SGSM1: variants seen among roughly 807,000 people sequenced by gnomAD.
SGSM1 encodes the protein small G protein signaling modulator 1.
In SGSM1, 73 loss-of-function variants were observed where a neutral mutation model predicts 133.8. The ratio of observed to expected loss-of-function variants is 0.55; its 90% CI spans 0.45 to 0.66. The LOEUF (loss-of-function observed/expected upper bound fraction) is 0.66, where lower values mean the gene tolerates loss of function less well. Ranked by LOEUF, SGSM1 falls within the 30% of genes least tolerant of loss-of-function variation. The pLI, the probability that SGSM1 is intolerant of heterozygous loss-of-function variation, is 0.00. For synonymous variants in SGSM1, 563 were observed against 573.0 expected (o/e 0.98, Z 0.25); for missense variants, 1,213 against 1,448.1 (o/e 0.84, Z 2.64).
rs764171405 is a variant in SGSM1, at chr22:24,855,340, C to T, written c.579C>T (p.Thr193=). Residue 193 remains threonine (T), a synonymous_variant, in exon 7 of 25, where the codon ACC becomes ACT. Coordinates refer to ENST00000400358, the MANE Select transcript of SGSM1 (RefSeq NM_001098497.3). ...TKMKTADHFW[T]DPSADELVQR... is the part of the protein sequence containing the mutation. The stretch of plus-strand genomic sequence containing the variant: ...TGAAGACTGCAGATCACTTCTGGAC[C>T]GATCCCTCGGCTGACGAACTTGTCC... The T allele has an allele frequency of 2.3e-5, 37 of 1,613,156 alleles. No individual in the cohort carries two copies. The East Asian group carries it at 5.1e-4, about 22-fold the overall frequency.
At chr22:24,844,720 G>A (rs906768067) in intron 2 of SGSM1, 177 bp from the exon 3 acceptor site, 10 of 580,142 alleles carry the variant, frequency 1.7e-5, no homozygotes, top group Middle Eastern at 9.1e-4. Context: ...ATGGAGCTGT[G>A]ACAGGCCTCA....
Position 24,898,236 on chromosome 22 carries a change from G to A in SGSM1, c.2287G>A (p.Glu763Lys), listed in dbSNP as rs2123703503. 4.3e-6 allele frequency: 7 copies of A among 1,613,576 alleles called. No homozygotes were observed. Among genetic ancestry groups the A allele is most frequent in the East Asian group, 2.2e-5 (1 of 44,866 alleles). ...DGSVDDRQSS[E>K]ATTSQDEAPR... ...CAGCGTGGATGACAGGCAGAGCAGC[G>A]AGGCCACCACATCTCAGGATGAGGC... is the stretch of plus-strand genomic sequence containing the variant. Residue 763 changes from glutamate (E) to lysine (K), a missense_variant, in exon 19 of 25, where the codon GAG becomes AAG. Physicochemically the swap from Glu to Lys is moderately conservative, Grantham distance 56. Coordinates refer to ENST00000400358, the MANE Select transcript of SGSM1 (RefSeq NM_001098497.3).
rs188243331 is a variant in SGSM1, at chr22:24,897,668, C to T, written c.2023-304C>T. Among the ~76,000 whole-genome samples, 44 of 152,250 alleles carry T rather than the reference C, an allele frequency of 2.9e-4. No homozygotes were observed. The East Asian group carries it at 8.3e-3, about 29-fold the overall frequency. On this transcript the variant is annotated intron_variant, in intron 18 of 24. Transcript: ENST00000400358. ...ATTTTTTGCAGAGACCAGGTTTCAC[C>T]GTGTTGCCCAGGCTGGTGTCAAACT...
At chr22:24,851,438 G>C (rs1417012181) in intron 5 of SGSM1, among the ~76,000 whole-genome samples, 9 of 138,886 alleles carry the variant, frequency 6.5e-5, no homozygotes, top group Non-Finnish European at 1.2e-4. Flanking sequence ...GGAAGGGAGG[G>C]GGGGGTGGGG....
chr22:24,883,253 T>A (rs1932431860), intron 14 of SGSM1, among the ~76,000 whole-genome samples: 1 of 152,162 alleles, frequency 6.6e-6, no homozygotes, highest in Non-Finnish European at 1.5e-5. Flanking sequence ...TAGGTTGATT[T>A]TGTATGTTGG....
chr22:24,913,500 G>A (rs1933709848), intron 22 of SGSM1, among the ~76,000 whole-genome samples: 1 of 152,078 alleles, frequency 6.6e-6, no homozygotes, highest in East Asian at 1.9e-4. Flanking sequence ...ACTCCCCAGA[G>A]GAATTAAGAC....
intron 2 of SGSM1, among the ~76,000 whole-genome samples, chr22:24,819,157 A>C (rs931595124): frequency 2.0e-5 from 3 of 151,806 alleles, no homozygotes; most frequent in Non-Finnish European, 1.5e-5. Flanking sequence ...AAAAAAAAAA[A>C]ACAATAATCA....
intron 2 of SGSM1, among the ~76,000 whole-genome samples, chr22:24,820,002 G>T (rs1928368241): frequency 6.6e-6 from 1 of 152,116 alleles, no homozygotes; most frequent in South Asian, 2.1e-4. Flanking sequence ...CCCTGGGTCT[G>T]TGGAGATGGG....
At chr22:24,904,151 C>G (rs966370759) in intron 20 of SGSM1, among the ~76,000 whole-genome samples, 1 of 151,924 alleles carries the variant, frequency 6.6e-6, no homozygotes, top group Non-Finnish European at 1.5e-5. Context: ...TGCTTCAGTC[C>G]CCTCATCTGT....
chr22:24,838,230 C>T (rs2147821738), intron 2 of SGSM1, among the ~76,000 whole-genome samples: 1 of 152,238 alleles, frequency 6.6e-6, no homozygotes, highest in African/African-American at 2.4e-5. Context: ...GGTCTAGGTC[C>T]TGCTGATCAC....
intron 24 of SGSM1, among the ~76,000 whole-genome samples, chr22:24,921,397 G>A (rs542476997): frequency 6.6e-6 from 1 of 152,304 alleles, no homozygotes; most frequent in East Asian, 1.9e-4. Flanking sequence ...ACTGTGCCCA[G>A]CCAGTCATTT....
At chr22:24,852,519 C>T (rs547119042) in intron 5 of SGSM1, among the ~76,000 whole-genome samples, 3 of 152,190 alleles carry the variant, frequency 2.0e-5, no homozygotes, top group Non-Finnish European at 4.4e-5. Flanking sequence ...TCTTGACTCA[C>T]TGCAACCTCT....
Position 24,806,231 on chromosome 22 carries a change from C to CCGCCGCGGCTGCAGCAGCAG in SGSM1, c.-85_-66dup. 4 of 1,295,102 alleles carry CCGCCGCGGCTGCAGCAGCAG rather than the reference C, an allele frequency of 3.1e-6. No individual in the cohort carries two copies. The highest frequency in any genetic ancestry group is 3.9e-6 in the Non-Finnish European group (4 of 1,027,208). 80.2% of individuals were successfully genotyped at this position (1,295,102 alleles called of 1,614,324 possible). A position where few individuals can be genotyped will look rare whatever the true frequency, so the allele number is the denominator to read the frequency against. On this transcript the variant is annotated 5_prime_UTR_variant, in exon 1 of 25. Transcript: ENST00000400358. The stretch of plus-strand genomic sequence containing the variant: ...CCGTCACTCAGCGCTCGGCCCCGCC[C>CCGCCGCGGCTGCAGCAGCAG]CGCCGCGGCTGCAGCAGCAGCGCCG...
intron 19 of SGSM1, chr22:24,901,282 A>T (rs1933152361): frequency 6.6e-6 from 1 of 151,708 alleles, no homozygotes; most frequent in African/African-American, 2.4e-5. Flanking sequence ...TGAGGGTGTG[A>T]CTCCTTAGGG....
intron 12 of SGSM1, among the ~76,000 whole-genome samples, chr22:24,876,164 AT>A (rs1932014712): frequency 6.6e-6 from 1 of 152,146 alleles, no homozygotes; most frequent in African/African-American, 2.4e-5. Flanking sequence ...TGCCTCATCT[AT>A]TGAGTCAGGC....
chr22:24,890,528 G>A (rs1932796752), intron 16 of SGSM1, among the ~76,000 whole-genome samples: 1 of 151,946 alleles, frequency 6.6e-6, no homozygotes, highest in East Asian at 2.0e-4. Context: ...GCATCTGCTT[G>A]TATATGTTTT....
At chr22:24,818,461 A>G (rs9612775) in intron 2 of SGSM1, among the ~76,000 whole-genome samples, 104,414 of 150,270 alleles carry the variant, frequency 0.69, 36,609 homozygotes, top group East Asian at 0.92. Context: ...TCTGCCTCCC[A>G]GGTTCAAGCG....
chr22:24,906,106 T>A (rs987690118), intron 21 of SGSM1, among the ~76,000 whole-genome samples: 1 of 152,184 alleles, frequency 6.6e-6, no homozygotes, highest in African/African-American at 2.4e-5. Flanking sequence ...AAGGATGGTT[T>A]GACATGCAAA....
At chr22:24,913,747 T>C (rs1933718167) in intron 22 of SGSM1, among the ~76,000 whole-genome samples, 1 of 151,990 alleles carries the variant, frequency 6.6e-6, no homozygotes, top group Non-Finnish European at 1.5e-5. Flanking sequence ...AGGCCTGGGG[T>C]GGTGGTTCAT....
Sources: gnomAD v4.1 joint callset for allele counts (sites outside exome capture counted in the v4.1 genomes callset) on GRCh38, gnomAD v4.1.1 for gene constraint, MANE v1.5 for transcripts, NCBI Gene and HGNC (gene_info 2026-07-23, HGNC 2026-07-21) for gene names.